The following LAMC3 variants were observed in gnomAD, a reference collection of about 807,000 sequenced individuals.
The protein encoded by LAMC3 is laminin subunit gamma-3.
In LAMC3, 128 loss-of-function variants were observed where a neutral mutation model predicts 173.8. The ratio of observed to expected loss-of-function variants is 0.74; its 90% CI spans 0.64 to 0.85. LAMC3 has a LOEUF of 0.85. Among genes scored for constraint, LAMC3 ranks in the 40% least tolerant of loss-of-function variants. LAMC3 has a pLI of 0.00. For synonymous variants in LAMC3, 897 were observed against 909.1 expected (o/e 0.99, Z 0.24); for missense variants, 2,022 against 2,156.0 (o/e 0.94, Z 1.23).
At chr9:131,077,940 C>T (rs1222434333) in intron 22 of LAMC3, among the ~76,000 whole-genome samples, 1 of 152,128 alleles carries the variant, frequency 6.6e-6, no homozygotes, top group Non-Finnish European at 1.5e-5. Flanking sequence ...GATGCAATCC[C>T]AGCTCTGCCA....
chr9:131,024,795 G>A (rs975871555), intron 1 of LAMC3, among the ~76,000 whole-genome samples: 14 of 152,258 alleles, frequency 9.2e-5, no homozygotes, highest in Non-Finnish European at 2.1e-4. Context: ...AGAGACGCCC[G>A]GTGCCGACGG....
chr9:131,042,993 A>G (rs1159443699), intron 7 of LAMC3, among the ~76,000 whole-genome samples: 1 of 151,534 alleles, frequency 6.6e-6, no homozygotes, highest in African/African-American at 2.4e-5. Flanking sequence ...AGGCAACACT[A>G]TCACAACCCT....
chr9:131,040,209 C>G (rs7853134), intron 6 of LAMC3, among the ~76,000 whole-genome samples: 120,434 of 151,220 alleles, frequency 0.8, 48,456 homozygotes, highest in African/African-American at 0.92. Context: ...ATGGAGTCCT[C>G]CTCTGTCACC....
intron 3 of LAMC3, among the ~76,000 whole-genome samples, chr9:131,033,439 G>A (rs1349369097): frequency 6.6e-6 from 1 of 152,140 alleles, no homozygotes; most frequent in African/African-American, 2.4e-5. Flanking sequence ...AGCTGGTGCT[G>A]CAGATGGGAC....
chr9:131,083,906 G>C (rs572690158), intron 24 of LAMC3, among the ~76,000 whole-genome samples: 1 of 112,228 alleles, frequency 8.9e-6, no homozygotes, highest in Non-Finnish European at 1.6e-5. Flanking sequence ...ATAGAGTCTC[G>C]CTCTGTTGCC....
rs189949563 is a variant in LAMC3, at chr9:131,039,384, A to G, written c.1283+136A>G. ...CCTCGCCCTAATCCTGGTGAAGACT[A>G]GAGACACTCAGCTCCTGGAGAGGCC... On this transcript the variant is annotated intron_variant, in intron 6 of 27. Transcript: ENST00000361069. 1.9e-4 allele frequency: 143 copies of G among 753,928 alleles called. No homozygotes were observed. In the Admixed American group the frequency reaches 2.6e-3, roughly 13 times the overall value. The allele number at this position is 753,928 out of a possible 1,614,324, so 46.7% of individuals were successfully genotyped here.
Position 131,092,033 on chromosome 9 carries a change from C to T in LAMC3, c.*246C>T, listed in dbSNP as rs1043176238. On this transcript the variant is annotated 3_prime_UTR_variant, in exon 28 of 28. Transcript: ENST00000361069. ...ACTCTCACCCCTGCACATGCATAAA[C>T]GGGCACACCCCAGTGTCAATAACAT... 1.2e-4 allele frequency: 70 copies of T among 573,256 alleles called. No homozygotes were observed. The highest frequency in any genetic ancestry group is 9.0e-4 in the African/African-American group (48 of 53,416). The allele number at this position is 573,256 out of a possible 1,614,324, so 35.5% of individuals were successfully genotyped here.
intron 20 of LAMC3, among the ~76,000 whole-genome samples, chr9:131,073,947 T>A: frequency 1.1e-5 from 1 of 89,630 alleles, no homozygotes; most frequent in East Asian, 2.8e-4. Context: ...TTCTTTTCTT[T>A]TTTTTTTTTT....
At chr9:131,031,467 G>C (rs900812311) in intron 2 of LAMC3, among the ~76,000 whole-genome samples, 41 of 152,328 alleles carry the variant, frequency 2.7e-4, no homozygotes, top group African/African-American at 8.2e-4. Context: ...TGTCACCTGA[G>C]GCAGGTGACC....
chr9:131,048,106 G>T (rs909694867), intron 8 of LAMC3, among the ~76,000 whole-genome samples: 15 of 139,644 alleles, frequency 1.1e-4, no homozygotes, highest in Middle Eastern at 3.8e-3. Flanking sequence ...ACCCAGGCTG[G>T]AGTGCAGTGG....
At position 131,039,213 on chromosome 9, in the gene LAMC3, G is replaced by T; in HGVS notation, c.1248G>T (p.Leu416=). ...TVTGWKCDRC[L]PGFHSLSEGG... ...CTGGCTGGAAGTGTGACCGCTGTCT[G>T]CCCGGGTTCCACTCGCTCAGTGAGG... The change falls in exon 6 of 28, where the codon CTG becomes CTT. Residue 416 remains leucine (L), a synonymous_variant. Coordinates refer to ENST00000361069, the MANE Select transcript of LAMC3 (RefSeq NM_006059.4). 6.2e-7 allele frequency: 1 copy of T among 1,607,558 alleles called. No homozygotes were observed. Among genetic ancestry groups the T allele is most frequent in the Non-Finnish European group, 8.5e-7 (1 of 1,179,984 alleles).
chr9:131,029,836 T>C lies in LAMC3; in HGVS notation c.679-2209T>C, dbSNP rs1833793822. Reference sequence around the variant, plus strand: ...CTGTCCACCTCCTGCTTCTCCTTAATGCCATGGCCTGAGTCCTGGGATCCA... The same window carrying C: ...CTGTCCACCTCCTGCTTCTCCTTAACGCCATGGCCTGAGTCCTGGGATCCA... On this transcript the variant is annotated intron_variant, in intron 2 of 27. Transcript: ENST00000361069. This position sits in a 1 kb window ranked among gnomAD's most constrained non-coding sequence, Gnocchi z 4.6. Among the ~76,000 whole-genome samples, 1 of 152,180 alleles carries C rather than the reference T, an allele frequency of 6.6e-6. No homozygotes were observed. Among genetic ancestry groups the C allele is most frequent in the South Asian group, 2.1e-4 (1 of 4,830 alleles).
intron 3 of LAMC3, among the ~76,000 whole-genome samples, chr9:131,035,698 G>A (rs1277464009): frequency 6.6e-6 from 1 of 152,168 alleles, no homozygotes; most frequent in African/African-American, 2.4e-5. Flanking sequence ...CTTCTTTCCT[G>A]CCCTTTCGGA....
intron 1 of LAMC3, among the ~76,000 whole-genome samples, chr9:131,016,597 C>A (rs1312484010): frequency 6.6e-6 from 1 of 152,062 alleles, no homozygotes; most frequent in Non-Finnish European, 1.5e-5. Context: ...AAATGGGAAC[C>A]ATAAGGGACT....
rs778050177 is a variant in LAMC3, at chr9:131,067,170, G to T, written c.2558G>T (p.Ser853Ile). 1.2e-6 allele frequency: 2 copies of T among 1,614,140 alleles called. No homozygotes were observed. Among genetic ancestry groups the T allele is most frequent in the Admixed American group, 3.3e-5 (2 of 60,022 alleles). The change falls in exon 14 of 28, where the codon AGC becomes ATC. Residue 853 changes from serine (S) to isoleucine (I), a missense_variant. Physicochemically the swap from Ser to Ile is moderately radical, Grantham distance 142 (BLOSUM62 -2). Transcript: ENST00000361069. ...CEHCQEGFYGSALAPRPADKC... is the reference protein window; with the variant it reads ...CEHCQEGFYGIALAPRPADKC... ...CACTGTCAGGAAGGCTTCTACGGGAGCGCCCTGGCCCCTCGACCCGCAGAC... is the reference window on the plus strand; with the variant it reads ...CACTGTCAGGAAGGCTTCTACGGGATCGCCCTGGCCCCTCGACCCGCAGAC...
At position 131,039,141 on chromosome 9, in the gene LAMC3, C is replaced by T. The variant is rs1051684079; in HGVS notation, c.1176C>T (p.His392=). ...PCDCQSAGSL[H]LQCDDTGTCA... ...CCCTTCCTCTCCCAGGCTCCCTACA[C>T]CTCCAGTGCGATGACACAGGCACCT... The change falls in exon 6 of 28, where the codon CAC becomes CAT. Residue 392 remains histidine (H), a synonymous_variant. Transcript: ENST00000361069. The T allele has an allele frequency of 6.2e-7, 1 of 1,611,494 alleles. No homozygotes were observed. The highest frequency in any genetic ancestry group is 2.2e-5 in the East Asian group (1 of 44,886).
intron 3 of LAMC3, among the ~76,000 whole-genome samples, chr9:131,032,974 T>C (rs535257962): frequency 6.6e-6 from 1 of 152,200 alleles, no homozygotes; most frequent in Non-Finnish European, 1.5e-5. Flanking sequence ...TTCCCCTTTC[T>C]AGTATAGGGG....
intron 11 of LAMC3, 146 bp from the exon 12 acceptor site, chr9:131,056,781 ATC>A: frequency 2.8e-6 from 2 of 713,992 alleles, no homozygotes; most frequent in South Asian, 1.5e-5. Flanking sequence ...CAGAATGAGA[ATC>A]TGTCTCAAAA....
Position 131,036,576 on chromosome 9 carries a change from G to A in LAMC3, c.976+244G>A, listed in dbSNP as rs141635570. ...GGACCAACTCTACCCATGCAGAGGC[G>A]CCTGTGGTGGGAGGGCCGGAAGGTC... On this transcript the variant is annotated intron_variant, in intron 4 of 27. Coordinates refer to ENST00000361069, the MANE Select transcript of LAMC3 (RefSeq NM_006059.4). 1.2e-3 allele frequency among the ~76,000 whole-genome samples: 178 copies of A among 152,202 alleles called. 1 individual carries two copies. The East Asian group carries it at 0.027, about 23-fold the overall frequency.
Sources: gnomAD v4.1 joint callset for allele counts (sites outside exome capture counted in the v4.1 genomes callset) on GRCh38, gnomAD v4.1.1 for gene constraint, Gnocchi (gnomAD v3.1) non-coding constraint, MANE v1.5 for transcripts, NCBI Gene and HGNC (gene_info 2026-07-23, HGNC 2026-07-21) for gene names.